The following CD163L1 variants were observed in gnomAD, a reference collection of about 807,000 sequenced individuals.
CD163L1 encodes the protein CD163 molecule like 1.
In CD163L1, 124 loss-of-function variants were observed where a neutral mutation model predicts 165.4. The observed-to-expected ratio is 0.75, with a 90% CI of 0.65 to 0.87. CD163L1 has a LOEUF of 0.87. Among genes scored for constraint, CD163L1 ranks in the 40% least tolerant of loss-of-function variants. The pLI, the probability that CD163L1 is intolerant of heterozygous loss-of-function variation, is 0.00. For missense variants in CD163L1, 1,525 were observed against 1,799.9 expected (o/e 0.85, Z 2.76); for synonymous variants, 585 against 662.2 (o/e 0.88, Z 1.79).
rs116904610 is a variant in CD163L1 at position 7,420,519 on chromosome 12, A to C, written c.766+11897T>G. ...CTCAAACAAATTAGCAAGAAAAAAA[A>C]CAAACAATACTATCAAAAAGTGGGC... On this transcript the variant is annotated intron_variant, in intron 4 of 19. Coordinates refer to ENST00000313599, the MANE Select transcript of CD163L1 (RefSeq NM_174941.6). Among the ~76,000 whole-genome samples, 574 of 152,054 alleles carry C rather than the reference A, an allele frequency of 3.8e-3. 29 individuals carry two copies. The East Asian group carries it at 0.07, about 18-fold the overall frequency.
intron 8 of CD163L1, among the ~76,000 whole-genome samples, chr12:7,383,328 C>A (rs747496261): frequency 6.6e-6 from 1 of 152,170 alleles, no homozygotes; most frequent in African/African-American, 2.4e-5. Context: ...TGGAGAATTG[C>A]CTGCCCAGCA....
At chr12:7,348,116 G>A (rs921272273) in intron 4 of CD163L1, among the ~76,000 whole-genome samples, 2 of 152,098 alleles carry the variant, frequency 1.3e-5, no homozygotes, top group Admixed American at 1.3e-4. Context: ...TATAATACCA[G>A]GAGGTGTAAA....
the CD163L1 span, among the ~76,000 whole-genome samples, chr12:7,320,984 T>C: frequency 6.6e-6 from 1 of 152,212 alleles, no homozygotes; most frequent in African/African-American, 2.4e-5. Context: ...TTGAGCAGCA[T>C]CTCAAGACTC....
intron 2 of CD163L1, among the ~76,000 whole-genome samples, 169 bp from the exon 3 acceptor site, chr12:7,433,863 A>G (rs192132058): frequency 6.6e-6 from 1 of 152,360 alleles, no homozygotes; most frequent in East Asian, 1.9e-4. Context: ...TTAATTTTTC[A>G]TGATAGGGAA....
intron 14 of CD163L1, among the ~76,000 whole-genome samples, chr12:7,370,075 C>T (rs1298780065): frequency 6.6e-6 from 1 of 152,182 alleles, no homozygotes; most frequent in Non-Finnish European, 1.5e-5. Context: ...AAGACCATTG[C>T]TGCTTCTGTG....
the CD163L1 span, among the ~76,000 whole-genome samples, chr12:7,331,244 G>A: frequency 8.5e-5 from 13 of 152,364 alleles, no homozygotes; most frequent in South Asian, 1.9e-3. Flanking sequence ...GAGGAGGGGC[G>A]CCTGCCATTG....
the CD163L1 span, among the ~76,000 whole-genome samples, chr12:7,327,269 A>G: frequency 3.7e-4 from 57 of 152,330 alleles, no homozygotes; most frequent in African/African-American, 1.2e-3. Context: ...AGAACGGTAT[A>G]AGTGAATTAT....
chr12:7,333,184 T>C, the CD163L1 span, among the ~76,000 whole-genome samples: 1 of 152,152 alleles, frequency 6.6e-6, no homozygotes, highest in Non-Finnish European at 1.5e-5. Flanking sequence ...CAACAGAATA[T>C]ACGTTCTTTT....
At chr12:7,394,905 C>T (rs980332818) in intron 8 of CD163L1, among the ~76,000 whole-genome samples, 18 of 152,044 alleles carry the variant, frequency 1.2e-4, no homozygotes, top group African/African-American at 2.9e-4. Context: ...TACCATCTCA[C>T]GCCAGTTAGA....
chr12:7,392,020 CAG>C (rs1353572900), intron 8 of CD163L1, among the ~76,000 whole-genome samples: 1 of 152,130 alleles, frequency 6.6e-6, no homozygotes, highest in East Asian at 1.9e-4. Context: ...ATCAATAAGA[CAG>C]AAAGTTAACA....
rs1036380694 is a variant in CD163L1, at chr12:7,400,178, T to C, written c.1409-1594A>G. On this transcript the variant is annotated intron_variant, in intron 6 of 19. Transcript: ENST00000313599. The surrounding 1 kb of genome is among the most constrained non-coding windows in gnomAD (Gnocchi z 4.1). ...CAATTCTTGGTTACCTATGTTATGGTTAATTTTTCATTTTCACAAATTACA... is the reference window on the plus strand; with the variant it reads ...CAATTCTTGGTTACCTATGTTATGGCTAATTTTTCATTTTCACAAATTACA... Among the ~76,000 whole-genome samples the C allele has an allele frequency of 3.9e-5, 6 of 152,178 alleles. No homozygotes were observed. The highest frequency in any genetic ancestry group is 1.3e-4 in the Admixed American group (2 of 15,274).
At chr12:7,411,419 C>A (rs1487343821) in intron 4 of CD163L1, among the ~76,000 whole-genome samples, 3 of 152,138 alleles carry the variant, frequency 2.0e-5, no homozygotes, top group Non-Finnish European at 2.9e-5. Context: ...AAGGTGGGGC[C>A]TGTGGGAGGT....
chr12:7,349,897 AAT>A (rs1350675280), intron 4 of CD163L1, among the ~76,000 whole-genome samples: 2 of 152,128 alleles, frequency 1.3e-5, no homozygotes, highest in Admixed American at 1.3e-4. Context: ...TACTCTTCAA[AAT>A]ATCTTATACA....
chr12:7,328,150 A>G, the CD163L1 span: 1 of 586,048 alleles, frequency 1.7e-6, no homozygotes. Context: ...TCTGGTGTCC[A>G]TGAAATTCAA....
intron 4 of CD163L1, among the ~76,000 whole-genome samples, chr12:7,348,975 C>T (rs1046246713): frequency 6.6e-6 from 1 of 152,096 alleles, no homozygotes; most frequent in Non-Finnish European, 1.5e-5. Context: ...GCTCCCTCCT[C>T]TGAGACTTAA....
intron 6 of CD163L1, among the ~76,000 whole-genome samples, chr12:7,401,980 C>G (rs1037785688): frequency 6.6e-6 from 1 of 151,624 alleles, no homozygotes; most frequent in Admixed American, 6.6e-5. Context: ...CTTTGTCTAC[C>G]AAATTGATCA....
At chr12:7,438,783 C>T (rs781529067) in intron 2 of CD163L1, 5 of 1,473,930 alleles carry the variant, frequency 3.4e-6, no homozygotes, top group Non-Finnish European at 4.6e-6. Flanking sequence ...CTTACCTCCT[C>T]GGCTGAGTCC....
chr12:7,344,097 T>G, downstream of CD163L1, among the ~76,000 whole-genome samples: 1 of 151,864 alleles, frequency 6.6e-6, no homozygotes, highest in Non-Finnish European at 1.5e-5. Flanking sequence ...GTTTGTTTTT[T>G]TTGAGACAGG....
rs1189242818 is a variant in CD163L1 at position 7,373,368 on chromosome 12, C to T, written c.3682G>A (p.Glu1228Lys). The T allele has an allele frequency of 1.2e-6, 2 of 1,614,012 alleles. No homozygotes were observed. The highest frequency in any genetic ancestry group is 8.5e-7 in the Non-Finnish European group (1 of 1,179,940). ...TCTGCTGGGCTGGAGATTCTTCGCT[C>T]CCATGGGGCAGACAGGCACTGCCAT... The part of the protein sequence containing the change: ...SIWQCLSAPW[E>K]RRISSPAEET... The change falls in exon 14 of 20, where the codon GAG (glutamate) becomes AAG (lysine). Residue 1228 changes from glutamate (E) to lysine (K), a missense_variant. Glu to Lys is a moderately conservative substitution (Grantham distance 56). Transcript: ENST00000313599.
Sources: allele counts gnomAD v4.1 joint callset (sites outside exome capture counted in the v4.1 genomes callset), GRCh38; gene constraint gnomAD v4.1.1; non-coding constraint Gnocchi (gnomAD v3.1); transcripts MANE v1.5; gene names NCBI Gene and HGNC (gene_info 2026-07-23, HGNC 2026-07-21).